The following LTBP4 variants were observed in gnomAD, a reference collection of about 807,000 sequenced individuals.
LTBP4 encodes latent-transforming growth factor beta-binding protein 4.
LTBP4 carries 93 observed loss-of-function variants against 180.2 expected under a neutral mutation model. That is an observed-to-expected ratio of 0.52 (90% CI 0.44 to 0.61). The LOEUF is 0.61. Among genes scored for constraint, LTBP4 ranks in the 20% least tolerant of loss-of-function variants. LTBP4 has a pLI of 0.00. For synonymous variants in LTBP4, 947 were observed against 934.5 expected (o/e 1.01, Z -0.24); for missense variants, 2,116 against 2,256.5 (o/e 0.94, Z 1.26).
At chr19:40,601,769 T>A (rs2081425973) in intron 1 of LTBP4, 132 bp downstream of exon 1, 1 of 763,326 alleles carries the variant, frequency 1.3e-6, no homozygotes, top group Non-Finnish European at 1.8e-6. Context: ...TATCAGGGGC[T>A]ATTTGAGGAA....
rs780204286 is a variant in LTBP4, at chr19:40,624,016, T to A, written c.3766T>A (p.Cys1256Ser). The change falls in exon 26 of 30, where the codon TGC (cysteine) becomes AGC (serine). Residue 1256 changes from cysteine (C) to serine (S), a missense_variant. This residue lies in a region of LTBP4 where 488 missense variants were observed against 458.8 expected (regional missense o/e 1.06). Coordinates refer to ENST00000396819, the MANE Select transcript of LTBP4 (RefSeq NM_001042545.2). Reference protein sequence around the residue: ...VNTVGSYHCTCEPPLVLDGSQ... With the variant: ...VNTVGSYHCTSEPPLVLDGSQ... ...CACTGTGGGCTCTTATCACTGTACCTGCGAGCCCCCACTGGTGCTGGATGG... is the reference window on the plus strand; with the variant it reads ...CACTGTGGGCTCTTATCACTGTACCAGCGAGCCCCCACTGGTGCTGGATGG... The A allele has an allele frequency of 1.9e-5, 31 of 1,610,334 alleles. No homozygotes were observed. Among genetic ancestry groups the A allele is most frequent in the Non-Finnish European group, 4.2e-6 (5 of 1,178,048 alleles).
chr19:40,605,892 C>A lies in LTBP4; in HGVS notation c.793+61C>A. 1 of 1,484,832 alleles carries A rather than the reference C, an allele frequency of 6.7e-7. No individual in the cohort carries two copies. The highest frequency in any genetic ancestry group is 1.2e-5 in the South Asian group (1 of 82,204). 92.0% of individuals were successfully genotyped at this position (1,484,832 alleles called of 1,614,324 possible). On this transcript the variant is annotated intron_variant, in intron 4 of 29. Coordinates refer to ENST00000396819, the MANE Select transcript of LTBP4 (RefSeq NM_001042545.2). This position sits in a 1 kb window ranked among gnomAD's most constrained non-coding sequence, Gnocchi z 5.5. ...GGGGAGTGGTGACAACCTCACCGTT[C>A]CTCCTACTCTGCCCTAGATAAACCC...
chr19:40,623,032 C>A lies in LTBP4; in HGVS notation c.3556+11C>A. 3 of 1,598,894 alleles carry A rather than the reference C, an allele frequency of 1.9e-6. No individual in the cohort carries two copies. The highest frequency in any genetic ancestry group is 2.2e-5 in the East Asian group (1 of 44,584). On this transcript the variant is annotated intron_variant, in intron 24 of 29. Coordinates refer to ENST00000396819, the MANE Select transcript of LTBP4 (RefSeq NM_001042545.2). Reference sequence around the variant, plus strand: ...TGAGCCTCCGGAGAGGTGAGGCCAGCCTTTGACCCTCCACCCCACTCAGCT... The same window carrying A: ...TGAGCCTCCGGAGAGGTGAGGCCAGACTTTGACCCTCCACCCCACTCAGCT...
intron 24 of LTBP4, 28 bp downstream of exon 24, chr19:40,623,049 C>T (rs369191819): frequency 4.9e-4 from 769 of 1,566,980 alleles, no homozygotes; most frequent in Non-Finnish European, 6.2e-4. Flanking sequence ...CCCTCCACCC[C>T]ACTCAGCTCT....
At chr19:40,600,467 G>A (rs1051215979), upstream of LTBP4, among the ~76,000 whole-genome samples, 2 of 152,180 alleles carry the variant, frequency 1.3e-5, no homozygotes, top group South Asian at 2.1e-4. The surrounding 1 kb of genome is among the most constrained non-coding windows in gnomAD (Gnocchi z 4.4). Flanking sequence ...AGAAAGCTCC[G>A]CCGAACCAGC....
At chr19:40,623,824 A>C (rs2081604760) in intron 25 of LTBP4, 92 bp downstream of exon 25, 1 of 1,598,072 alleles carries the variant, frequency 6.3e-7, no homozygotes, top group Non-Finnish European at 8.6e-7. Flanking sequence ...ACCAGCGGGA[A>C]GTCTTTCCTG....
Position 40,606,421 on chromosome 19 carries a change from A to C in LTBP4, c.886A>C (p.Thr296Pro). ...GSCEDVDECA[T>P]GGRCQHGECA... ...CCTGGCAGATGTGGATGAGTGCGCG[A>C]CTGGCGGGCGCTGCCAGCACGGCGA... Residue 296 changes from threonine (T) to proline (P), a missense_variant, in exon 6 of 30, where the codon ACT becomes CCT. Physicochemically the swap from Thr to Pro is conservative, Grantham distance 38. This residue lies in a region of LTBP4 where 469 missense variants were observed against 532.5 expected (regional missense o/e 0.88). Transcript: ENST00000396819. 6.3e-7 allele frequency: 1 copy of C among 1,596,872 alleles called. No homozygotes were observed. Among genetic ancestry groups the C allele is most frequent in the Admixed American group, 1.7e-5 (1 of 58,304 alleles).
chr19:40,613,232 G>T lies in LTBP4; in HGVS notation c.2431+36G>T, dbSNP rs535846631. On this transcript the variant is annotated intron_variant, in intron 16 of 29. Coordinates refer to ENST00000396819, the MANE Select transcript of LTBP4 (RefSeq NM_001042545.2). The surrounding 1 kb of genome is among the most constrained non-coding windows in gnomAD (Gnocchi z 5.0). ...TAGGGACCCGCCAGAGAGTCTGGGA[G>T]TAGGGCCTGGGTTCCAGGGCAAAGC... is the stretch of plus-strand genomic sequence containing the variant. 2.8e-5 allele frequency: 43 copies of T among 1,550,778 alleles called. 1 individual carries two copies. The South Asian group carries it at 4.6e-4, about 17-fold the overall frequency.
At position 40,622,353 on chromosome 19, in the gene LTBP4, G is replaced by A. The variant is rs561761179; in HGVS notation, c.3218-48G>A. 66 of 1,458,482 alleles carry A rather than the reference G, an allele frequency of 4.5e-5. No individual in the cohort carries two copies. In the South Asian group the frequency reaches 9.4e-4, roughly 21 times the overall value. 90.3% of individuals were successfully genotyped at this position (1,458,482 alleles called of 1,614,324 possible). On this transcript the variant is annotated intron_variant, in intron 22 of 29. Coordinates refer to ENST00000396819, the MANE Select transcript of LTBP4 (RefSeq NM_001042545.2). This position sits in a 1 kb window ranked among gnomAD's most constrained non-coding sequence, Gnocchi z 5.1. The stretch of plus-strand genomic sequence containing the variant: ...AGTTTCCCCATCTATGATAGTGGCG[G>A]GGCTGGGGATTCAGCCCACACTGGG...
Position 40,611,370 on chromosome 19 carries a change from C to G in LTBP4, c.2029C>G (p.Arg677Gly). The change falls in exon 13 of 30, where the codon CGA becomes GGA. Residue 677 changes from arginine (R) to glycine (G), a missense_variant. Physicochemically the swap from Arg to Gly is moderately radical, Grantham distance 125 (BLOSUM62 -2). Transcript: ENST00000396819. This position sits in a 1 kb window ranked among gnomAD's most constrained non-coding sequence, Gnocchi z 4.4. ...TGCCTGCCCTGCTGGCTTCCGCTCC[C>G]GAGGGCCCGGGGCCCCCTGCCAAGG... The part of the protein sequence containing the change: ...HCACPAGFRS[R>G]GPGAPCQDVD... The G allele has an allele frequency of 6.8e-6, 11 of 1,606,468 alleles. No homozygotes were observed. Among genetic ancestry groups the G allele is most frequent in the Non-Finnish European group, 9.3e-6 (11 of 1,177,530 alleles).
At chr19:40,595,056 G>C (rs779139602) in intron 1 of LTBP4, among the ~76,000 whole-genome samples, 1 of 152,112 alleles carries the variant, frequency 6.6e-6, no homozygotes, top group Non-Finnish European at 1.5e-5. Context: ...CGGGGCTAAC[G>C]CTACAGAACT....
At chr19:40,608,901 TCAAA>T in intron 9 of LTBP4, 1 of 38,234 alleles carries the variant, frequency 2.6e-5, no homozygotes, top group South Asian at 8.9e-4. Context: ...ACACTCCATC[TCAAA>T]AAAAAAAAAA....
intron 1 of LTBP4, among the ~76,000 whole-genome samples, chr19:40,604,629 A>G (rs1487942205): frequency 7.2e-5 from 11 of 152,186 alleles, no homozygotes; most frequent in Admixed American, 1.3e-4. Context: ...GGATTGCCTG[A>G]GCCCAGGAGT....
chr19:40,601,239 G>C (rs1247046852), upstream of LTBP4: 3 of 509,718 alleles, frequency 5.9e-6, no homozygotes, highest in East Asian at 3.0e-4. Context: ...AGCCCCACGC[G>C]CCCCCGCGCG....
intron 28 of LTBP4, 138 bp downstream of exon 28, chr19:40,627,493 T>A (rs2081644312): frequency 1.5e-6 from 2 of 1,302,668 alleles, no homozygotes; most frequent in South Asian, 1.5e-5. Context: ...GACAGAGAAG[T>A]GTCTATAGCC....
rs1568414178 is a variant in LTBP4 at position 40,625,248 on chromosome 19, GTATTTATATATATATATATATA to G, written c.3833-605_3833-584del. ...CCGCCACCAAGCCTGGCTAATTTTTGTATTTATATATATATATATATATATATATATATATATATATATATAT... is the reference window on the plus strand; with the variant it reads ...CCGCCACCAAGCCTGGCTAATTTTTGTATATATATATATATATATATATAT... On this transcript the variant is annotated intron_variant, in intron 26 of 29. Coordinates refer to ENST00000396819, the MANE Select transcript of LTBP4 (RefSeq NM_001042545.2). 3.1e-3 allele frequency among the ~76,000 whole-genome samples: 183 copies of G among 58,708 alleles called. 13 individuals carry two copies. The highest frequency in any genetic ancestry group is 3.9e-3 in the South Asian group (6 of 1,554). The allele number at this position is 58,708 out of a possible 152,430, so 38.5% of individuals were successfully genotyped here. A position where few individuals can be genotyped will look rare whatever the true frequency, so the allele number is the denominator to read the frequency against.
In LTBP4 at chr19:40,621,783, C is replaced by T. The variant is rs187328533; in HGVS notation, c.3218-618C>T. ...GTTTGTTTTGTGACAGAGTCTCGCT[C>T]TGTCGCCCAGGCTAGAATGCAGTGG... On this transcript the variant is annotated intron_variant, in intron 22 of 29. Coordinates refer to ENST00000396819, the MANE Select transcript of LTBP4 (RefSeq NM_001042545.2). 3.3e-3 allele frequency among the ~76,000 whole-genome samples: 496 copies of T among 152,278 alleles called. 1 individual carries two copies. The highest frequency in any genetic ancestry group is 5.2e-3 in the Non-Finnish European group (357 of 68,014).
rs747215211 is a variant in LTBP4 at position 40,610,635 on chromosome 19, A to G, written c.1788A>G (p.Ala596=). ...TGTGCCCCGCCGGGTACCAGGCTGC[A>G]CCGCACGGAGCCAGCTGCCAGGGTG... ...LCVCPAGYQA[A]PHGASCQDVD... The change falls in exon 12 of 30, where the codon GCA becomes GCG. Residue 596 remains alanine (A), a synonymous_variant. Coordinates refer to ENST00000396819, the MANE Select transcript of LTBP4 (RefSeq NM_001042545.2). The G allele has an allele frequency of 3.2e-6, 5 of 1,585,050 alleles. No homozygotes were observed. The African/African-American group carries it at 5.4e-5, about 17-fold the overall frequency.
chr19:40,611,746 C>A lies in LTBP4; in HGVS notation c.2054-113C>A. On this transcript the variant is annotated intron_variant, in intron 13 of 29. Transcript: ENST00000396819. The surrounding 1 kb of genome is among the most constrained non-coding windows in gnomAD (Gnocchi z 4.4). The stretch of plus-strand genomic sequence containing the variant: ...CTGTCTTCCTGGGAAGAGGGAGCAG[C>A]CTGAGGCAAGTCCAGAAGGCAGGCT... 6 of 1,457,772 alleles carry A rather than the reference C, an allele frequency of 4.1e-6. No homozygotes were observed. Among genetic ancestry groups the A allele is most frequent in the Non-Finnish European group, 5.5e-6 (6 of 1,088,200 alleles). 90.3% of individuals were successfully genotyped at this position (1,457,772 alleles called of 1,614,324 possible).
Sources: gnomAD v4.1 joint callset for allele counts (sites outside exome capture counted in the v4.1 genomes callset) on GRCh38, gnomAD v4.1.1 for gene constraint, gnomAD v4.1.1 regional missense constraint, Gnocchi (gnomAD v3.1) non-coding constraint, MANE v1.5 for transcripts, NCBI Gene and HGNC (gene_info 2026-07-23, HGNC 2026-07-21) for gene names.